The following FGGY variants were observed in gnomAD, a reference collection of about 807,000 sequenced individuals.
FGGY encodes the protein FGGY carbohydrate kinase domain containing.
FGGY carries 72 observed loss-of-function variants against 71.3 expected under a neutral mutation model. The observed-to-expected ratio is 1.01, with a 90% confidence interval of 0.84 to 1.23. The LOEUF is 1.23. Ranked by LOEUF, FGGY falls within the 50% of genes most tolerant of loss-of-function variation. The pLI is 0.00. For missense variants in FGGY, 668 were observed against 682.3 expected (o/e 0.98, Z 0.23); for synonymous variants, 251 against 250.3 (o/e 1.00, Z -0.02).
intron 14 of FGGY, among the ~76,000 whole-genome samples, chr1:59,682,571 G>A (rs2097511435): frequency 6.6e-6 from 1 of 152,234 alleles, no homozygotes; most frequent in Admixed American, 6.5e-5. Context: ...AGAGGGCTGT[G>A]TGGAGACTGC....
chr1:59,719,530 A>G (rs2097869993), intron 14 of FGGY, among the ~76,000 whole-genome samples: 1 of 152,254 alleles, frequency 6.6e-6, no homozygotes, highest in Admixed American at 6.5e-5. Flanking sequence ...ATGCTCAATA[A>G]ATGATAGTTA....
In FGGY at chr1:59,644,617, GC is replaced by G. The variant is rs796675574; in HGVS notation, c.1221+6251del. 1.3e-3 allele frequency among the ~76,000 whole-genome samples: 202 copies of G among 149,836 alleles called. 1 individual carries two copies. The highest frequency in any genetic ancestry group is 1.9e-3 in the Admixed American group (29 of 15,040). Reference sequence around the variant, plus strand: ...GGTTCATTAAAAACAAGACAGACACGCCCCCCCCCACCCAAAGAAAAATGCT... The same window carrying G: ...GGTTCATTAAAAACAAGACAGACACGCCCCCCCCACCCAAAGAAAAATGCT... On this transcript the variant is annotated intron_variant, in intron 11 of 15. Coordinates refer to ENST00000303721, the MANE Select transcript of FGGY (RefSeq NM_018291.5).
At chr1:59,644,547 A>C (rs931621276) in intron 11 of FGGY, among the ~76,000 whole-genome samples, 4 of 152,182 alleles carry the variant, frequency 2.6e-5, no homozygotes, top group African/African-American at 9.7e-5. Flanking sequence ...GCAGAATCTT[A>C]AGTAATAACA....
intron 2 of FGGY, 121 bp from the exon 3 acceptor site, chr1:59,339,837 A>G (rs2050305231): frequency 3.3e-6 from 2 of 603,118 alleles, no homozygotes; most frequent in South Asian, 4.4e-5. Context: ...CTAAATTTTT[A>G]TCTGTTTTAT....
At chr1:59,432,718 A>C (rs1312744953) in intron 5 of FGGY, among the ~76,000 whole-genome samples, 1 of 152,172 alleles carries the variant, frequency 6.6e-6, no homozygotes, top group Non-Finnish European at 1.5e-5. Flanking sequence ...CAGCAATTCT[A>C]GTAGTAGTCA....
chr1:59,343,881 G>T (rs72911683), intron 3 of FGGY, among the ~76,000 whole-genome samples: 102 of 152,184 alleles, frequency 6.7e-4, no homozygotes, highest in African/African-American at 2.4e-3. Flanking sequence ...TTAGCAACAG[G>T]TATTTTTACC....
chr1:59,512,150 G>A (rs951069276), intron 6 of FGGY, among the ~76,000 whole-genome samples, 161 bp from the exon 7 acceptor site: 3 of 152,214 alleles, frequency 2.0e-5, no homozygotes, highest in South Asian at 4.1e-4. Flanking sequence ...GTACACTAAA[G>A]TCACTGGATG....
Position 59,653,614 on chromosome 1 carries a change from C to T in FGGY, c.1222-6605C>T, listed in dbSNP as rs140240231. 2.8e-3 allele frequency among the ~76,000 whole-genome samples: 429 copies of T among 152,342 alleles called. 4 individuals are homozygous for T. The highest frequency in any genetic ancestry group is 9.5e-3 in the African/African-American group (397 of 41,590). On this transcript the variant is annotated intron_variant, in intron 11 of 15. Coordinates refer to ENST00000303721, the MANE Select transcript of FGGY (RefSeq NM_018291.5). ...CAATGCCTCGCCCTGCTTCGGCTTG[C>T]GCATGGTGCTTGCACCCACTGGCCT... is the stretch of plus-strand genomic sequence containing the variant.
intron 2 of FGGY, among the ~76,000 whole-genome samples, chr1:59,331,611 T>C (rs1040769746): frequency 1.3e-5 from 2 of 151,884 alleles, no homozygotes; most frequent in Non-Finnish European, 2.9e-5. Flanking sequence ...GAGTAATCAC[T>C]TGCTAGTATA....
intron 9 of FGGY, among the ~76,000 whole-genome samples, chr1:59,610,475 A>G (rs1452808835): frequency 6.6e-6 from 1 of 152,158 alleles, no homozygotes; most frequent in Non-Finnish European, 1.5e-5. Flanking sequence ...AATCCAGTCT[A>G]TCACTGATGG....
chr1:59,442,243 T>G (rs1343223733), intron 5 of FGGY, among the ~76,000 whole-genome samples: 2 of 152,154 alleles, frequency 1.3e-5, no homozygotes, highest in South Asian at 2.1e-4. Context: ...GGCCAGATAA[T>G]ATTTACAAGA....
chr1:59,345,717 G>GAAAA (rs35234505), intron 3 of FGGY, among the ~76,000 whole-genome samples: 4 of 142,888 alleles, frequency 2.8e-5, no homozygotes, highest in East Asian at 2.0e-4. Context: ...ACCAAATGAG[G>GAAAA]AAAAAAAAAA....
rs112740399 is a variant in FGGY, at chr1:59,656,418, C to T, written c.1222-3801C>T. Reference sequence around the variant, plus strand: ...CCACCTCCCTTCGAAGACAGCTCCCCGAGGGTCCTTTGTAGCCTCTCAAGC... The same window carrying T: ...CCACCTCCCTTCGAAGACAGCTCCCTGAGGGTCCTTTGTAGCCTCTCAAGC... On this transcript the variant is annotated intron_variant, in intron 11 of 15. Transcript: ENST00000303721. 1.0e-3 allele frequency among the ~76,000 whole-genome samples: 152 copies of T among 152,264 alleles called. 1 individual carries two copies. Among genetic ancestry groups the T allele is most frequent in the African/African-American group, 3.3e-3 (139 of 41,556 alleles).
intron 14 of FGGY, among the ~76,000 whole-genome samples, chr1:59,731,677 G>A (rs984026509): frequency 3.3e-5 from 5 of 152,146 alleles, no homozygotes; most frequent in Non-Finnish European, 7.3e-5. Context: ...CTACCTGTAA[G>A]TTGTTAGTGA....
At chr1:59,732,364 C>A (rs2098043831) in intron 14 of FGGY, among the ~76,000 whole-genome samples, 1 of 152,162 alleles carries the variant, frequency 6.6e-6, no homozygotes, top group South Asian at 2.1e-4. Flanking sequence ...CACCCCCCTT[C>A]CTATTTTAAC....
chr1:59,493,484 A>G (rs1454547161), intron 6 of FGGY, among the ~76,000 whole-genome samples: 2 of 152,182 alleles, frequency 1.3e-5, no homozygotes, highest in East Asian at 1.9e-4. Context: ...GACACATACT[A>G]TAGCATGGAT....
intron 12 of FGGY, among the ~76,000 whole-genome samples, chr1:59,666,994 CTG>C (rs1373560206): frequency 1.3e-5 from 2 of 152,218 alleles, no homozygotes; most frequent in Admixed American, 1.3e-4. Context: ...TTACCATTAA[CTG>C]TGTTGACATT....
chr1:59,510,880 G>A (rs770379635), intron 6 of FGGY, among the ~76,000 whole-genome samples: 6 of 152,050 alleles, frequency 3.9e-5, no homozygotes, highest in African/African-American at 9.7e-5. Flanking sequence ...AAGTAGATTC[G>A]CATACCCAAG....
At chr1:59,634,802 C>T (rs993020120) in intron 10 of FGGY, among the ~76,000 whole-genome samples, 6 of 152,214 alleles carry the variant, frequency 3.9e-5, no homozygotes, top group Non-Finnish European at 7.4e-5. Flanking sequence ...ATCTTCATAG[C>T]AGCCTTTAAG....
Sources: gnomAD v4.1 joint callset for allele counts (sites outside exome capture counted in the v4.1 genomes callset) on GRCh38, gnomAD v4.1.1 for gene constraint, MANE v1.5 for transcripts, NCBI Gene and HGNC (gene_info 2026-07-23, HGNC 2026-07-21) for gene names.